UBE2E2: variants seen among roughly 807,000 people sequenced by gnomAD.
UBE2E2 encodes the protein ubiquitin conjugating enzyme E2 E2.
UBE2E2 carries 6 observed loss-of-function variants against 24.7 expected under a neutral mutation model. That is an observed-to-expected ratio of 0.24 (90% CI 0.13 to 0.48). The LOEUF (loss-of-function observed/expected upper bound fraction) is 0.48, where lower values mean the gene tolerates loss of function less well. Among genes scored for constraint, UBE2E2 ranks in the 20% least tolerant of loss-of-function variants. UBE2E2 has a pLI of 0.99. For missense variants in UBE2E2, 169 were observed against 245.0 expected, an observed-to-expected ratio of 0.69 and a Z score of 2.07; for synonymous variants, 104 against 83.6, an observed-to-expected ratio of 1.24 and a Z score of -1.33.
At chr3:23,317,383 C>CAAAG (rs1387967289) in intron 3 of UBE2E2, among the ~76,000 whole-genome samples, 2 of 152,198 alleles carry the variant, frequency 1.3e-5, no homozygotes, top group Non-Finnish European at 2.9e-5. Flanking sequence ...AGTTCCAATG[C>CAAAG]AAAGCCCACA....
chr3:23,422,114 A>T (rs1266934993), intron 3 of UBE2E2, among the ~76,000 whole-genome samples: 9 of 152,192 alleles, frequency 5.9e-5, no homozygotes, highest in Non-Finnish European at 1.2e-4. Flanking sequence ...TTTTTTAATT[A>T]TAAATATTTA....
intron 3 of UBE2E2, among the ~76,000 whole-genome samples, chr3:23,357,436 C>T (rs1391552105): frequency 6.6e-6 from 1 of 152,010 alleles, no homozygotes; most frequent in Non-Finnish European, 1.5e-5. Context: ...TATCTGCATA[C>T]ACATAAATGA....
chr3:23,490,238 A>G (rs1321982939), intron 3 of UBE2E2, among the ~76,000 whole-genome samples: 2 of 152,224 alleles, frequency 1.3e-5, no homozygotes, highest in African/African-American at 2.4e-5. Context: ...ACCTATGTAT[A>G]TACATGTTGA....
At chr3:23,249,767 T>C (rs1326045269) in intron 3 of UBE2E2, among the ~76,000 whole-genome samples, 2 of 152,082 alleles carry the variant, frequency 1.3e-5, no homozygotes, top group Non-Finnish European at 2.9e-5. Flanking sequence ...GCCATTCTCC[T>C]GCCTCAGCCT....
At chr3:23,424,703 C>T (rs1026684032) in intron 3 of UBE2E2, among the ~76,000 whole-genome samples, 1 of 152,086 alleles carries the variant, frequency 6.6e-6, no homozygotes, top group Non-Finnish European at 1.5e-5. Context: ...TTGATTTCAG[C>T]TGGAGCTAAG....
Position 23,357,843 on chromosome 3 carries a change from A to AT in UBE2E2, c.227+140534dup, listed in dbSNP as rs1233086950. Among the ~76,000 whole-genome samples the AT allele has an allele frequency of 2.5e-5, 3 of 120,890 alleles. No individual in the cohort carries two copies. In the Admixed American group the frequency reaches 2.9e-4, roughly 12 times the overall value. 79.3% of individuals were successfully genotyped at this position (120,890 alleles called of 152,430 possible). On this transcript the variant is annotated intron_variant, in intron 3 of 5. Transcript: ENST00000396703. ...AATCTTCGAAGACGGAAGGAAATCT[A>AT]TTTAATTTTTTTTGACACAAGGTCT...
chr3:23,475,480 C>A (rs1219718206), intron 3 of UBE2E2, among the ~76,000 whole-genome samples: 1 of 152,012 alleles, frequency 6.6e-6, no homozygotes, highest in Non-Finnish European at 1.5e-5. Context: ...CTATAAAGCC[C>A]TGTAACTGGT....
intron 5 of UBE2E2, among the ~76,000 whole-genome samples, chr3:23,542,325 GT>G (rs1695413480): frequency 6.6e-6 from 1 of 152,188 alleles, no homozygotes; most frequent in Non-Finnish European, 1.5e-5. Context: ...TTAGCTTAGA[GT>G]TGGGGTTAAT....
At chr3:23,562,927 G>A (rs1440793304) in intron 5 of UBE2E2, among the ~76,000 whole-genome samples, 2 of 151,900 alleles carry the variant, frequency 1.3e-5, no homozygotes, top group African/African-American at 2.4e-5. Context: ...CCCCTTTATC[G>A]TTTTTTATTG....
In UBE2E2 at chr3:23,589,633, A is replaced by G; in HGVS notation, c.509-101A>G. The G allele has an allele frequency of 4.2e-6, 5 of 1,192,102 alleles. No individual in the cohort carries two copies. Among genetic ancestry groups the G allele is most frequent in the Non-Finnish European group, 6.1e-6 (5 of 820,738 alleles). The allele number at this position is 1,192,102 out of a possible 1,614,324, so 73.8% of individuals were successfully genotyped here. On this transcript the variant is annotated intron_variant, in intron 5 of 5. Transcript: ENST00000396703. This position sits in a 1 kb window ranked among gnomAD's most constrained non-coding sequence, Gnocchi z 4.1. ...CAATGGTGGTCCAGGTTAGAACAGC[A>G]GCTTCTCATCTCCTACCCTCCCACT...
At chr3:23,580,530 A>G (rs559672503) in intron 5 of UBE2E2, among the ~76,000 whole-genome samples, 114 of 152,352 alleles carry the variant, frequency 7.5e-4, no homozygotes, top group African/African-American at 2.7e-3. Context: ...ATAAACACGC[A>G]CTGGGAAACC....
At chr3:23,438,373 C>G (rs927850379) in intron 3 of UBE2E2, among the ~76,000 whole-genome samples, 1 of 152,086 alleles carries the variant, frequency 6.6e-6, no homozygotes, top group South Asian at 2.1e-4. Flanking sequence ...TCCATAGGAG[C>G]CTGTGGAAGG....
At position 23,285,420 on chromosome 3, in the gene UBE2E2, C is replaced by A. The variant is rs149352565; in HGVS notation, c.227+68108C>A. Among the ~76,000 whole-genome samples the A allele has an allele frequency of 4.1e-3, 617 of 152,210 alleles. 3 individuals carry two copies. The highest frequency in any genetic ancestry group is 0.017 in the Middle Eastern group (5 of 294). On this transcript the variant is annotated intron_variant, in intron 3 of 5. Coordinates refer to ENST00000396703, the MANE Select transcript of UBE2E2 (RefSeq NM_152653.4). ...GTGGGATTGCTGGATCATATGGTAG[C>A]CCAATTTTTAATTTTTTGAGCAACC...
At chr3:23,329,221 C>T (rs910593913) in intron 3 of UBE2E2, among the ~76,000 whole-genome samples, 5 of 152,036 alleles carry the variant, frequency 3.3e-5, no homozygotes, top group Non-Finnish European at 7.4e-5. Context: ...AAAGGCAAAC[C>T]AAATAGGCAA....
intron 3 of UBE2E2, among the ~76,000 whole-genome samples, chr3:23,402,486 G>A (rs543605571): frequency 6.6e-6 from 1 of 152,286 alleles, no homozygotes; most frequent in African/African-American, 2.4e-5. Context: ...TGTCAGGGTT[G>A]ATTAAAGTTT....
chr3:23,367,110 C>CTCCATCA (rs1696278851), intron 3 of UBE2E2, among the ~76,000 whole-genome samples: 1 of 152,142 alleles, frequency 6.6e-6, no homozygotes, highest in Admixed American at 6.5e-5. Flanking sequence ...TCCTGCAGTT[C>CTCCATCA]TCCATCATCC....
intron 3 of UBE2E2, among the ~76,000 whole-genome samples, chr3:23,265,250 C>G (rs921503250): frequency 6.6e-6 from 1 of 152,122 alleles, no homozygotes; most frequent in Non-Finnish European, 1.5e-5. Context: ...TATGGTTGAA[C>G]TTGAAGGGGA....
At chr3:23,313,762 C>T (rs1694485009) in intron 3 of UBE2E2, among the ~76,000 whole-genome samples, 1 of 152,022 alleles carries the variant, frequency 6.6e-6, no homozygotes, top group African/African-American at 2.4e-5. Context: ...AGTGTTGTTA[C>T]TGATAAGTAA....
At chr3:23,550,791 A>T (rs1412463174) in intron 5 of UBE2E2, among the ~76,000 whole-genome samples, 6 of 152,188 alleles carry the variant, frequency 3.9e-5, no homozygotes, top group African/African-American at 1.4e-4. Flanking sequence ...AGAGGCCAGC[A>T]GTGTCACTGA....
Sources: allele counts gnomAD v4.1 joint callset (sites outside exome capture counted in the v4.1 genomes callset), GRCh38; gene constraint gnomAD v4.1.1; non-coding constraint Gnocchi (gnomAD v3.1); transcripts MANE v1.5; gene names NCBI Gene and HGNC (gene_info 2026-07-23, HGNC 2026-07-21).